The following POLR3B variants were observed in gnomAD, a reference collection of about 807,000 sequenced individuals.
The protein encoded by POLR3B is RNA polymerase III subunit B, also known as DNA-directed RNA polymerase III subunit RPC2.
In POLR3B, 96 loss-of-function variants were observed where a neutral mutation model predicts 147.4. The observed-to-expected ratio is 0.65, with a 90% CI of 0.55 to 0.77. The LOEUF is 0.77. Ranked by LOEUF, POLR3B falls within the 30% of genes least tolerant of loss-of-function variation. The pLI, the probability that POLR3B is intolerant of heterozygous loss-of-function variation, is 0.00. For synonymous variants in POLR3B, 461 were observed against 485.9 expected, an observed-to-expected ratio of 0.95 and a Z score of 0.67; for missense variants, 1,036 against 1,413.5, an observed-to-expected ratio of 0.73 and a Z score of 4.28.
chr12:106,383,254 T>A (rs1259201472), intron 9 of POLR3B, among the ~76,000 whole-genome samples: 1 of 152,190 alleles, frequency 6.6e-6, no homozygotes, highest in Non-Finnish European at 1.5e-5. Context: ...ACTAAAACCA[T>A]CTCCATATCA....
chr12:106,424,124 G>A (rs2037406314), intron 12 of POLR3B, among the ~76,000 whole-genome samples: 1 of 151,986 alleles, frequency 6.6e-6, no homozygotes, highest in Non-Finnish European at 1.5e-5. Flanking sequence ...AAAGTGTTGG[G>A]ATTACAGGCG....
chr12:106,471,132 CTG>C (rs1444099663), intron 23 of POLR3B, among the ~76,000 whole-genome samples: 1 of 152,300 alleles, frequency 6.6e-6, no homozygotes, highest in Non-Finnish European at 1.5e-5. Context: ...TTTGTTTACA[CTG>C]TGAACATGGA....
intron 8 of POLR3B, among the ~76,000 whole-genome samples, chr12:106,379,721 C>G (rs2036733992): frequency 6.6e-6 from 1 of 152,276 alleles, no homozygotes; most frequent in Middle Eastern, 3.4e-3. Flanking sequence ...TATATATGCT[C>G]TACACTGGAT....
intron 23 of POLR3B, among the ~76,000 whole-genome samples, chr12:106,469,674 G>T (rs1303014726): frequency 6.6e-6 from 1 of 152,146 alleles, no homozygotes; most frequent in Non-Finnish European, 1.5e-5. Flanking sequence ...GCATTTGTTT[G>T]TCTGTAAAGG....
Position 106,369,347 on chromosome 12 carries a change from T to C in POLR3B, c.300T>C (p.His100=). The part of the protein sequence containing the change: ...SFNVTRPVSP[H]ECRLRDMTYS... ...ATGTAACTAGACCAGTGTCCCCTCA[T>C]GAGGTAATTATGAACCTTACTTTAA... is the stretch of plus-strand genomic sequence containing the variant. The change falls in exon 5 of 28, where the codon CAT becomes CAC. Residue 100 remains histidine (H), a synonymous_variant. Transcript: ENST00000228347. 1 of 1,548,194 alleles carries C rather than the reference T, an allele frequency of 6.5e-7. No individual in the cohort carries two copies.
chr12:106,486,579 T>G (rs1362236976), intron 23 of POLR3B, among the ~76,000 whole-genome samples: 2 of 152,188 alleles, frequency 1.3e-5, no homozygotes, highest in African/African-American at 2.4e-5. Flanking sequence ...GTCTCCTCCT[T>G]AAGATGGGCA....
chr12:106,459,275 T>TA lies in POLR3B; in HGVS notation c.2477_2478insA (p.Leu827AlafsTer4). The TA allele has an allele frequency of 6.2e-7, 1 of 1,604,498 alleles. No individual in the cohort carries two copies. The highest frequency in any genetic ancestry group is 8.5e-7 in the Non-Finnish European group (1 of 1,171,320). On this transcript the variant is annotated frameshift_variant, in exon 22 of 28. Coordinates refer to ENST00000228347, the MANE Select transcript of POLR3B (RefSeq NM_018082.6). LOFTEE classifies it high-confidence loss of function. ...GGTGAGAAAGTAGAAAACAAACAAG[T>TA]GCTTGTAAATAAGTCCATGCCCACA...
At chr12:106,380,353 C>T (rs1259927907) in intron 9 of POLR3B, among the ~76,000 whole-genome samples, 1 of 148,682 alleles carries the variant, frequency 6.7e-6, no homozygotes, top group Non-Finnish European at 1.5e-5. Context: ...ATGGGCAGAT[C>T]GCCTGAGCCC....
At chr12:106,377,040 A>T (rs551997314) in intron 7 of POLR3B, among the ~76,000 whole-genome samples, 74 of 152,230 alleles carry the variant, frequency 4.9e-4, no homozygotes, top group Middle Eastern at 3.4e-3. Context: ...TTCTTTTGGT[A>T]TGCCTAAAAA....
chr12:106,508,509 T>C (rs1311196739), intron 27 of POLR3B, among the ~76,000 whole-genome samples: 1 of 152,216 alleles, frequency 6.6e-6, no homozygotes. Context: ...ACTGGATACC[T>C]ACTGTCCTAG....
chr12:106,445,691 C>A (rs1565898867), intron 19 of POLR3B, among the ~76,000 whole-genome samples: 1 of 152,016 alleles, frequency 6.6e-6, no homozygotes, highest in Non-Finnish European at 1.5e-5. Context: ...CATATATGCC[C>A]ATGACACCAA....
rs1232371251 is a variant in POLR3B, at chr12:106,378,505, A to AT, written c.614+121_614+122insT. On this transcript the variant is annotated intron_variant, in intron 8 of 27. Coordinates refer to ENST00000228347, the MANE Select transcript of POLR3B (RefSeq NM_018082.6). ...TCTAAAAGCAGGCATTGTAATATTT[A>AT]AGCTATCTGCATTCAATTTATTATG... The AT allele has an allele frequency of 4.6e-6, 3 of 658,878 alleles. No homozygotes were observed. In the African/African-American group the frequency reaches 5.4e-5, roughly 12 times the overall value. 40.8% of individuals were successfully genotyped at this position (658,878 alleles called of 1,614,324 possible).
rs747912710 is a variant in POLR3B at position 106,454,496 on chromosome 12, A to G, written c.2084-6A>G. ...TTGTATTTTGTTTTCTCCCATATCA[A>G]TGCAGGTACTATAGGATACAACCAG... On this transcript the variant is annotated splice_region_variant and splice_polypyrimidine_tract_variant and intron_variant, in intron 19 of 27. Coordinates refer to ENST00000228347, the MANE Select transcript of POLR3B (RefSeq NM_018082.6). The G allele has an allele frequency of 1.1e-4, 155 of 1,429,516 alleles. No homozygotes were observed. The highest frequency in any genetic ancestry group is 1.4e-4 in the Non-Finnish European group (138 of 1,011,946). The allele number at this position is 1,429,516 out of a possible 1,614,324, so 88.6% of individuals were successfully genotyped here. A position where few individuals can be genotyped will look rare whatever the true frequency, so the allele number is the denominator to read the frequency against.
chr12:106,414,540 A>G (rs1170615803), intron 12 of POLR3B, among the ~76,000 whole-genome samples: 2 of 152,256 alleles, frequency 1.3e-5, no homozygotes, highest in African/African-American at 2.4e-5. Flanking sequence ...CTGAACTCTG[A>G]TTTAGTCTCC....
At chr12:106,377,176 A>T (rs1461277307) in intron 7 of POLR3B, among the ~76,000 whole-genome samples, 1 of 152,160 alleles carries the variant, frequency 6.6e-6, no homozygotes, top group Non-Finnish European at 1.5e-5. Flanking sequence ...TTACATTTTT[A>T]AAAATTTTAT....
intron 10 of POLR3B, among the ~76,000 whole-genome samples, chr12:106,399,824 G>C (rs1206078748): frequency 1.3e-5 from 2 of 152,134 alleles, no homozygotes; most frequent in Non-Finnish European, 2.9e-5. Context: ...GCTCCTGAAG[G>C]AAGCACTAAA....
intron 10 of POLR3B, among the ~76,000 whole-genome samples, chr12:106,393,625 A>G (rs941134096): frequency 1.3e-5 from 2 of 149,790 alleles, no homozygotes; most frequent in African/African-American, 4.9e-5. Context: ...TCTTTTCCTG[A>G]ATTCCCAGTG....
At chr12:106,384,064 A>G (rs1319972742) in intron 9 of POLR3B, among the ~76,000 whole-genome samples, 2 of 152,168 alleles carry the variant, frequency 1.3e-5, no homozygotes, top group African/African-American at 2.4e-5. Context: ...TGCAAGAATT[A>G]CCAAAGTGTG....
At chr12:106,429,747 C>G (rs1363622845) in intron 13 of POLR3B, among the ~76,000 whole-genome samples, 1 of 151,994 alleles carries the variant, frequency 6.6e-6, no homozygotes, top group African/African-American at 2.4e-5. Context: ...AATTAAGAAG[C>G]CTTCAGTTTG....
Sources: gnomAD v4.1 joint callset for allele counts (sites outside exome capture counted in the v4.1 genomes callset) on GRCh38, gnomAD v4.1.1 for gene constraint, MANE v1.5 for transcripts, NCBI Gene and HGNC (gene_info 2026-07-23, HGNC 2026-07-21) for gene names.